The following NAPA variants were observed in gnomAD, a reference collection of about 807,000 sequenced individuals.
The protein encoded by NAPA is NSF attachment protein alpha, also known as alpha-soluble NSF attachment protein.
NAPA carries 18 observed loss-of-function variants against 48.0 expected under a neutral mutation model. The ratio of observed to expected loss-of-function variants is 0.38; its 90% CI spans 0.26 to 0.56. The LOEUF is 0.56. Ranked by LOEUF, NAPA falls within the 20% of genes least tolerant of loss-of-function variation. NAPA has a pLI of 0.77. For synonymous variants in NAPA, 152 were observed against 149.9 expected (o/e 1.01, Z -0.10); for missense variants, 315 against 385.0 (o/e 0.82, Z 1.52).
chr19:47,491,948 G>A (rs1159579486), intron 8 of NAPA, 67 bp downstream of exon 8: 1 of 1,441,602 alleles, frequency 6.9e-7, no homozygotes, highest in East Asian at 2.3e-5. Flanking sequence ...GGGGGCAACG[G>A]GACCTGGCCT....
At chr19:47,513,739 C>A (rs544493176) in intron 1 of NAPA, among the ~76,000 whole-genome samples, 1 of 151,908 alleles carries the variant, frequency 6.6e-6, no homozygotes, top group African/African-American at 2.4e-5. Flanking sequence ...CCCTGTCTCT[C>A]CCTGTTATCC....
At position 47,493,106 on chromosome 19, in the gene NAPA, G is replaced by C; in HGVS notation, c.476+13C>G. 2 of 1,613,962 alleles carry C rather than the reference G, an allele frequency of 1.2e-6. No homozygotes were observed. Among genetic ancestry groups the C allele is most frequent in the Non-Finnish European group, 1.7e-6 (2 of 1,179,920 alleles). On this transcript the variant is annotated intron_variant, in intron 6 of 10. Coordinates refer to ENST00000263354, the MANE Select transcript of NAPA (RefSeq NM_003827.4). This position sits in a 1 kb window ranked among gnomAD's most constrained non-coding sequence, Gnocchi z 6.4. ...GGTCCCTGCGGGGCTGGGGCAGGCA[G>C]GAAGGGGGCTACCTGTTGGACTCCT... is the stretch of plus-strand genomic sequence containing the variant.
At chr19:47,492,923 G>A (rs759140389) in intron 7 of NAPA, 38 bp downstream of exon 7, 1 of 1,601,020 alleles carries the variant, frequency 6.2e-7, no homozygotes, top group South Asian at 1.1e-5. Context: ...GCCCTGAGAG[G>A]GGGCAGGGTG....
At chr19:47,507,786 G>A (rs902528131) in intron 1 of NAPA, among the ~76,000 whole-genome samples, 2 of 152,160 alleles carry the variant, frequency 1.3e-5, no homozygotes, top group Non-Finnish European at 2.9e-5. Flanking sequence ...AGCTCCTCAC[G>A]AGAGCCCTTT....
At chr19:47,514,158 G>A (rs1463793183) in intron 1 of NAPA, among the ~76,000 whole-genome samples, 2 of 151,748 alleles carry the variant, frequency 1.3e-5, no homozygotes, top group Non-Finnish European at 2.9e-5. Context: ...GGGTTCCTCC[G>A]TTCAGCTGTC....
intron 3 of NAPA, among the ~76,000 whole-genome samples, chr19:47,497,686 C>G (rs1968465349): frequency 6.6e-6 from 1 of 152,268 alleles, no homozygotes; most frequent in Non-Finnish European, 1.5e-5. Context: ...CCCGCAGTCA[C>G]TCCTACCAGC....
At chr19:47,508,037 T>G (rs1968727366) in intron 1 of NAPA, among the ~76,000 whole-genome samples, 1 of 152,070 alleles carries the variant, frequency 6.6e-6, no homozygotes, top group Non-Finnish European at 1.5e-5. Context: ...TCCTCTAGAT[T>G]AAAGAAGCCA....
downstream of NAPA, among the ~76,000 whole-genome samples, chr19:47,486,159 A>G (rs1968070891): frequency 6.6e-6 from 1 of 152,154 alleles, no homozygotes; most frequent in Non-Finnish European, 1.5e-5. Flanking sequence ...GTTTGAGACC[A>G]GCCTGGCCAA....
intron 3 of NAPA, 26 bp from the exon 4 acceptor site, chr19:47,495,622 G>A (rs1223304187): frequency 1.2e-5 from 20 of 1,612,668 alleles, no homozygotes; most frequent in Admixed American, 3.3e-5. Context: ...GGTGGGAGGA[G>A]ACATGAGAAA....
intron 9 of NAPA, among the ~76,000 whole-genome samples, chr19:47,490,195 A>ATG (rs1157829854): frequency 1.1e-5 from 1 of 93,080 alleles, no homozygotes; most frequent in Non-Finnish European, 2.2e-5. Context: ...TGTGTGTGCA[A>ATG]TGTGTGTGTG....
At chr19:47,500,835 C>T (rs1185863759) in intron 2 of NAPA, 86 bp from the exon 3 acceptor site, 6 of 1,073,670 alleles carry the variant, frequency 5.6e-6, no homozygotes, top group South Asian at 1.7e-5. Flanking sequence ...GGAGGTGGGT[C>T]GGGCTCTCGA....
intron 1 of NAPA, among the ~76,000 whole-genome samples, chr19:47,510,058 G>T (rs1381001942): frequency 6.6e-6 from 1 of 152,244 alleles, no homozygotes; most frequent in Non-Finnish European, 1.5e-5. Context: ...CCTCAGGAAA[G>T]ACTCCACTCT....
chr19:47,513,483 T>C (rs573343667), intron 1 of NAPA, among the ~76,000 whole-genome samples: 14 of 152,306 alleles, frequency 9.2e-5, no homozygotes, highest in African/African-American at 3.4e-4. Context: ...GACTAAACAA[T>C]TTACCCAAAG....
At chr19:47,495,441 T>G in intron 4 of NAPA, 109 bp downstream of exon 4, 1 of 1,232,794 alleles carries the variant, frequency 8.1e-7, no homozygotes. Flanking sequence ...CCTCCCCAAG[T>G]GGTTTGGCCG....
chr19:47,513,487 C>T (rs2122787370), intron 1 of NAPA, among the ~76,000 whole-genome samples: 1 of 152,336 alleles, frequency 6.6e-6, no homozygotes, highest in East Asian at 1.9e-4. Flanking sequence ...AAACAATTTA[C>T]CCAAAGTCAT....
intron 1 of NAPA, among the ~76,000 whole-genome samples, chr19:47,514,565 C>T (rs1388042681): frequency 6.6e-6 from 1 of 152,162 alleles, no homozygotes; most frequent in Non-Finnish European, 1.5e-5. Context: ...GCCTGGGTCC[C>T]CTTCCTCGCC....
intron 1 of NAPA, among the ~76,000 whole-genome samples, chr19:47,510,540 C>T (rs556762343): frequency 6.6e-6 from 1 of 152,320 alleles, no homozygotes; most frequent in South Asian, 2.1e-4. Flanking sequence ...GAAACAGTTA[C>T]CATGATTTTC....
At chr19:47,484,800 G>C (rs1968022721), downstream of NAPA, among the ~76,000 whole-genome samples, 1 of 151,196 alleles carries the variant, frequency 6.6e-6, no homozygotes, top group African/African-American at 2.4e-5. Flanking sequence ...TGCCTCCTGG[G>C]TTCAAGCGAT....
chr19:47,511,931 C>T (rs1599921612), intron 1 of NAPA, among the ~76,000 whole-genome samples: 2 of 152,152 alleles, frequency 1.3e-5, no homozygotes, highest in African/African-American at 4.8e-5. Flanking sequence ...AACAGGAGCT[C>T]GCCAGGATGG....
Sources: gnomAD v4.1 joint callset for allele counts (sites outside exome capture counted in the v4.1 genomes callset) on GRCh38, gnomAD v4.1.1 for gene constraint, Gnocchi (gnomAD v3.1) non-coding constraint, MANE v1.5 for transcripts, NCBI Gene and HGNC (gene_info 2026-07-23, HGNC 2026-07-21) for gene names.